Variants in PROX1 observed in about 807,000 individuals in gnomAD.
The protein encoded by PROX1 is prospero homeobox protein 1.
Under a neutral mutation model 58.8 loss-of-function variants are expected in PROX1, and 7 were observed. The ratio of observed to expected loss-of-function variants is 0.12; its 90% confidence interval spans 0.07 to 0.22. PROX1 has a LOEUF of 0.22. Among genes scored for constraint, PROX1 ranks in the 10% least tolerant of loss-of-function variants. PROX1 has a pLI of 1.00. For synonymous variants in PROX1, 350 were observed against 358.3 expected (o/e 0.98, Z 0.26); for missense variants, 675 against 927.8 (o/e 0.73, Z 3.54).
At chr1:213,998,861 T>TC (rs1403751676) in intron 2 of PROX1, among the ~76,000 whole-genome samples, 2 of 152,104 alleles carry the variant, frequency 1.3e-5, no homozygotes, top group Non-Finnish European at 2.9e-5. Flanking sequence ...CTCTCTTTCA[T>TC]CTTTAAGTGA....
chr1:214,009,697 G>T (rs1420370745), intron 3 of PROX1, among the ~76,000 whole-genome samples: 1 of 151,392 alleles, frequency 6.6e-6, no homozygotes, highest in African/African-American at 2.4e-5. Flanking sequence ...TTACTTTTTT[G>T]TCCTCCCCAT....
chr1:214,011,374 C>T, intron 3 of PROX1, 147 bp from the exon 4 acceptor site: 1 of 632,894 alleles, frequency 1.6e-6, no homozygotes, highest in Non-Finnish European at 2.6e-6. Flanking sequence ...CTTCCTCTTG[C>T]CTCTCTTGCC....
At chr1:214,031,473 C>A (rs1664655581) in intron 4 of PROX1, among the ~76,000 whole-genome samples, 1 of 152,112 alleles carries the variant, frequency 6.6e-6, no homozygotes, top group East Asian at 1.9e-4. Context: ...AAAGGCAGGG[C>A]CTTCTCCCCT....
chr1:214,028,337 C>A (rs1320615009), intron 4 of PROX1, among the ~76,000 whole-genome samples: 5 of 152,162 alleles, frequency 3.3e-5, no homozygotes, highest in Admixed American at 3.3e-4. Flanking sequence ...GTGTTCAATA[C>A]ACAAAACCTA....
chr1:214,007,365 G>A (rs1663753447), intron 3 of PROX1, among the ~76,000 whole-genome samples: 1 of 152,212 alleles, frequency 6.6e-6, no homozygotes, highest in Non-Finnish European at 1.5e-5. Context: ...CTGTAATGGA[G>A]GGGAAACAGT....
intron 1 of PROX1, among the ~76,000 whole-genome samples, chr1:213,990,623 T>C: frequency 6.6e-6 from 1 of 151,146 alleles, no homozygotes; most frequent in East Asian, 1.9e-4. Flanking sequence ...CCCAGGTCTG[T>C]GCTTGGCAGA....
In PROX1 at chr1:214,036,928, T is replaced by C. The variant is rs1664847912; in HGVS notation, c.*1094T>C. On this transcript the variant is annotated 3_prime_UTR_variant, in exon 5 of 5. Coordinates refer to ENST00000366958, the MANE Select transcript of PROX1 (RefSeq NM_001270616.2). ...CAATTCCACACTATCCTGATGGGTA[T>C]GCAAAGTGGTGACAGTCTAACTCAG... The C allele has an allele frequency of 6.6e-6, 1 of 152,244 alleles. No individual in the cohort carries two copies. The highest frequency in any genetic ancestry group is 2.4e-5 in the African/African-American group (1 of 41,478). The allele number at this position is 152,244 out of a possible 1,614,324, so 9.4% of individuals were successfully genotyped here.
chr1:214,004,854 A>C (rs1230224991), intron 2 of PROX1, among the ~76,000 whole-genome samples: 2 of 152,224 alleles, frequency 1.3e-5, no homozygotes, highest in Non-Finnish European at 2.9e-5. Context: ...CCTTAGCAAC[A>C]AGTGAATGTA....
chr1:213,988,696 C>T (rs1471243111), intron 1 of PROX1: 1 of 152,168 alleles, frequency 6.6e-6, no homozygotes, highest in Non-Finnish European at 1.5e-5. Context: ...TGGAACTCAG[C>T]GCTCCGCTCC....
chr1:214,034,431 T>G lies in PROX1; in HGVS notation c.2029-1218T>G, dbSNP rs978754074. Among the ~76,000 whole-genome samples the G allele has an allele frequency of 3.3e-5, 5 of 152,344 alleles. No homozygotes were observed. The East Asian group carries it at 9.6e-4, about 29-fold the overall frequency. ...TATGATACGTTTATGTCCTCATACG[T>G]CTGCACTTAATGTAAAAATGAAACT... On this transcript the variant is annotated intron_variant, in intron 4 of 4. Transcript: ENST00000366958.
chr1:214,021,053 C>G (rs973315434), intron 4 of PROX1, among the ~76,000 whole-genome samples: 1 of 152,150 alleles, frequency 6.6e-6, no homozygotes, highest in African/African-American at 2.4e-5. Flanking sequence ...TCAGATCAGG[C>G]GGGTGGGCTC....
chr1:214,014,698 A>G (rs932273775), intron 4 of PROX1, among the ~76,000 whole-genome samples: 1 of 152,212 alleles, frequency 6.6e-6, no homozygotes, highest in Non-Finnish European at 1.5e-5. Context: ...AGTTATTCTA[A>G]CTGGGCAGAG....
At chr1:214,007,327 T>C (rs1465270246) in intron 3 of PROX1, among the ~76,000 whole-genome samples, 3 of 152,210 alleles carry the variant, frequency 2.0e-5, no homozygotes, top group African/African-American at 7.2e-5. Flanking sequence ...TTAAAGTATA[T>C]GTGAGTCTGG....
intron 4 of PROX1, among the ~76,000 whole-genome samples, chr1:214,017,643 C>A (rs574781224): frequency 6.6e-6 from 1 of 151,712 alleles, no homozygotes; most frequent in Admixed American, 6.6e-5. Context: ...CAAGGGCAGG[C>A]GCACACACAA....
At chr1:214,034,502 A>C (rs146768152) in intron 4 of PROX1, among the ~76,000 whole-genome samples, 184 of 152,358 alleles carry the variant, frequency 1.2e-3, no homozygotes, top group African/African-American at 4.3e-3. Context: ...ACTAAGTGTC[A>C]ATGTGTACTT....
chr1:214,037,582 G>T lies in PROX1; in HGVS notation c.*1748G>T, dbSNP rs1297457073. 1.3e-5 allele frequency: 2 copies of T among 152,090 alleles called. No individual in the cohort carries two copies. Among genetic ancestry groups the T allele is most frequent in the East Asian group, 3.8e-4 (2 of 5,196 alleles). 9.4% of individuals were successfully genotyped at this position (152,090 alleles called of 1,614,324 possible). A position where few individuals can be genotyped will look rare whatever the true frequency, so the allele number is the denominator to read the frequency against. ...ACCTGCTGACTTTAAATTAAATGGT[G>T]CAGTCCTATGATGCCCTGCACCATC... On this transcript the variant is annotated 3_prime_UTR_variant, in exon 5 of 5. Transcript: ENST00000366958.
chr1:213,998,445 A>G (rs1663369497), intron 2 of PROX1, among the ~76,000 whole-genome samples, 185 bp downstream of exon 2: 1 of 152,154 alleles, frequency 6.6e-6, no homozygotes. Flanking sequence ...AAAAGCTTAA[A>G]ACTAAGCCAA....
upstream of PROX1, chr1:213,987,604 A>G (rs978152164): frequency 3.4e-5 from 5 of 146,438 alleles, no homozygotes; most frequent in African/African-American, 1.2e-4. Context: ...AGCTAGTGTG[A>G]GCCGGGCGCC....
rs188444142 is a variant in PROX1, at chr1:214,012,215, T to C, written c.2028+500T>C. Among the ~76,000 whole-genome samples, 34 of 152,342 alleles carry C rather than the reference T, an allele frequency of 2.2e-4. No individual in the cohort carries two copies. The East Asian group carries it at 6.6e-3, about 29-fold the overall frequency. Reference sequence around the variant, plus strand: ...TAGTCCCTTTGTGGAGGAAATGGTATGATAATTTACTAAGTACATAGCATA... The same window carrying C: ...TAGTCCCTTTGTGGAGGAAATGGTACGATAATTTACTAAGTACATAGCATA... On this transcript the variant is annotated intron_variant, in intron 4 of 4. Coordinates refer to ENST00000366958, the MANE Select transcript of PROX1 (RefSeq NM_001270616.2).
Sources: gnomAD v4.1 joint callset for allele counts (sites outside exome capture counted in the v4.1 genomes callset) on GRCh38, gnomAD v4.1.1 for gene constraint, MANE v1.5 for transcripts, NCBI Gene and HGNC (gene_info 2026-07-23, HGNC 2026-07-21) for gene names.